Variants in TEFM observed in about 807,000 individuals in gnomAD.
TEFM encodes the protein transcription elongation factor of mitochondria.
A neutral mutation model predicts 23.0 loss-of-function variants in TEFM; 14 were observed. The observed-to-expected ratio is 0.61, with a 90% CI of 0.40 to 0.95. TEFM has a LOEUF of 0.95. TEFM is among the 40% of genes least tolerant of loss of function. The pLI, the probability that TEFM is intolerant of heterozygous loss-of-function variation, is 0.00. For missense variants in TEFM, 386 were observed against 425.5 expected, an observed-to-expected ratio of 0.91 and a Z score of 0.82; for synonymous variants, 155 against 158.3, an observed-to-expected ratio of 0.98 and a Z score of 0.16.
At position 30,900,476 on chromosome 17, in the gene TEFM, C is replaced by T; in HGVS notation, c.582G>A (p.Trp194Ter). ...HLDRKLTVLD[W>*]QQSDRWSLMR... The stretch of plus-strand genomic sequence containing the variant: ...TTAAACTCCAACGGTCACTTTGCTG[C>T]CAGTCCAGCACTGTCAACTTACGAT... The change falls in exon 3 of 4, where the codon TGG becomes TGA. Residue 194 changes from tryptophan (W) to a stop codon, truncating the protein, a stop_gained. Coordinates refer to ENST00000581216, the MANE Select transcript of TEFM (RefSeq NM_024683.4). LOFTEE classifies it high-confidence loss of function. 1 of 1,614,180 alleles carries T rather than the reference C, an allele frequency of 6.2e-7. No individual in the cohort carries two copies. The highest frequency in any genetic ancestry group is 8.5e-7 in the Non-Finnish European group (1 of 1,180,012).
chr17:30,900,493 A>C lies in TEFM; in HGVS notation c.565T>G (p.Leu189Val), dbSNP rs1455872351. Residue 189 changes from leucine (L) to valine (V), a missense_variant, in exon 3 of 4, where the codon TTG (leucine) becomes GTG (valine). Coordinates refer to ENST00000581216, the MANE Select transcript of TEFM (RefSeq NM_024683.4). Reference sequence around the variant, plus strand: ...CTTTGCTGCCAGTCCAGCACTGTCAACTTACGATCAAGGTGAGCCCAGGCA... The same window carrying C: ...CTTTGCTGCCAGTCCAGCACTGTCACCTTACGATCAAGGTGAGCCCAGGCA... ...RIAWAHLDRK[L>V]TVLDWQQSDR... 1 of 1,614,144 alleles carries C rather than the reference A, an allele frequency of 6.2e-7. No homozygotes were observed. The highest frequency in any genetic ancestry group is 1.1e-5 in the South Asian group (1 of 91,088).
chr17:30,902,536 T>A (rs1434666542), intron 2 of TEFM, among the ~76,000 whole-genome samples: 1 of 152,208 alleles, frequency 6.6e-6, no homozygotes, highest in Non-Finnish European at 1.5e-5. Flanking sequence ...TGGCCATGAA[T>A]CTGGATGAGA....
chr17:30,904,164 T>A lies in TEFM; in HGVS notation c.397A>T (p.Ile133Leu), dbSNP rs935966683. Residue 133 changes from isoleucine to leucine, a missense_variant, in exon 2 of 4, where the codon ATA becomes TTA. By Grantham distance (5) the Ile-to-Leu change is conservative. Coordinates refer to ENST00000581216, the MANE Select transcript of TEFM (RefSeq NM_024683.4). ...TCCCGTCCAGTCTTTGGACAAAGTA[T>A]GGAGTTACAAACTTGAACTGTACTT... ...YKSTVQVCNS[I>L]LCPKTGREKR... 6.2e-7 allele frequency: 1 copy of A among 1,614,188 alleles called. No homozygotes were observed. Among genetic ancestry groups the A allele is most frequent in the African/African-American group, 1.3e-5 (1 of 75,058 alleles).
rs1910114975 is a variant in TEFM, at chr17:30,904,199, A to C, written c.362T>G (p.Phe121Cys). Residue 121 changes from phenylalanine to cysteine, a missense_variant, in exon 2 of 4, where the codon TTT (phenylalanine) becomes TGT (cysteine). By Grantham distance (205) the Phe-to-Cys change is radical. Coordinates refer to ENST00000581216, the MANE Select transcript of TEFM (RefSeq NM_024683.4). ...AACTTGAACTGTACTTTTATACTTAAACAAGGGCACATTCATTAAACTCTC... is the reference window on the plus strand; with the variant it reads ...AACTTGAACTGTACTTTTATACTTACACAAGGGCACATTCATTAAACTCTC... ...NLESLMNVPL[F>C]KYKSTVQVCN... 1.9e-6 allele frequency: 3 copies of C among 1,614,108 alleles called. No individual in the cohort carries two copies. Among genetic ancestry groups the C allele is most frequent in the Non-Finnish European group, 2.5e-6 (3 of 1,179,990 alleles).
Position 30,900,480 on chromosome 17 carries a change from T to G in TEFM, c.578A>C (p.Asp193Ala). The G allele has an allele frequency of 6.2e-7, 1 of 1,614,204 alleles. No individual in the cohort carries two copies. The part of the protein sequence containing the change: ...AHLDRKLTVL[D>A]WQQSDRWSLM... Reference sequence around the variant, plus strand: ...ACTCCAACGGTCACTTTGCTGCCAGTCCAGCACTGTCAACTTACGATCAAG... The same window carrying G: ...ACTCCAACGGTCACTTTGCTGCCAGGCCAGCACTGTCAACTTACGATCAAG... Residue 193 changes from aspartate (D) to alanine (A), a missense_variant, in exon 3 of 4, where the codon GAC (aspartate) becomes GCC (alanine). Asp to Ala is a moderately radical substitution (Grantham distance 126). Transcript: ENST00000581216.
At position 30,899,239 on chromosome 17, in the gene TEFM, TCTA is replaced by T; in HGVS notation, c.1010_1012del (p.Val337del). 4 of 1,614,096 alleles carry T rather than the reference TCTA, an allele frequency of 2.5e-6. No homozygotes were observed. Among genetic ancestry groups the T allele is most frequent in the Non-Finnish European group, 3.4e-6 (4 of 1,179,988 alleles). On this transcript the variant is annotated inframe_deletion, in exon 4 of 4. Coordinates refer to ENST00000581216, the MANE Select transcript of TEFM (RefSeq NM_024683.4). ...TTGTAATAATGAATCATAAAGCTCT[TCTA>T]CTCTTTGTAGTTCAGTAGATAAAAA...
Position 30,904,441 on chromosome 17 carries a change from A to C in TEFM, c.120T>G (p.Pro40=). The change falls in exon 2 of 4, where the codon CCT becomes CCG. Residue 40 remains proline, a synonymous_variant. Transcript: ENST00000581216. The part of the protein sequence containing the change: ...NFCCRKKSTT[P]KKITPNVTFC... ...AAGTAACATTGGGAGTAATTTTCTT[A>C]GGTGTAGTGGATTTTTTCCGACAGC... 6.2e-7 allele frequency: 1 copy of C among 1,614,118 alleles called. No individual in the cohort carries two copies. The highest frequency in any genetic ancestry group is 8.5e-7 in the Non-Finnish European group (1 of 1,180,032).
chr17:30,902,590 G>C (rs753997601), intron 2 of TEFM, among the ~76,000 whole-genome samples: 17 of 152,290 alleles, frequency 1.1e-4, no homozygotes, highest in Middle Eastern at 3.4e-3. Context: ...CAGATCAATT[G>C]CAGCAGTTCT....
At chr17:30,902,147 T>C (rs1311894058) in intron 2 of TEFM, among the ~76,000 whole-genome samples, 1 of 152,212 alleles carries the variant, frequency 6.6e-6, no homozygotes, top group Non-Finnish European at 1.5e-5. Context: ...TGAAGTACAA[T>C]GCTATCACCT....
chr17:30,902,900 C>T (rs374292742), intron 2 of TEFM, among the ~76,000 whole-genome samples: 1 of 151,624 alleles, frequency 6.6e-6, no homozygotes, highest in Non-Finnish European at 1.5e-5. Context: ...CTCAGCACTT[C>T]GGGAGCCCGA....
chr17:30,905,449 G>A (rs1026723801), intron 1 of TEFM, among the ~76,000 whole-genome samples: 3 of 151,886 alleles, frequency 2.0e-5, no homozygotes, highest in Admixed American at 6.6e-5. Context: ...GAGCCCGGAA[G>A]GCGGAGGTTG....
At chr17:30,900,937 T>TC (rs1399751583) in intron 2 of TEFM, among the ~76,000 whole-genome samples, 3 of 152,092 alleles carry the variant, frequency 2.0e-5, no homozygotes, top group Non-Finnish European at 4.4e-5. Context: ...GCAAACATAA[T>TC]CTACAAATTC....
chr17:30,904,126 T>C lies in TEFM; in HGVS notation c.435A>G (p.Ser145=). The change falls in exon 2 of 4, where the codon TCA becomes TCG. Residue 145 remains serine (S), a synonymous_variant. Transcript: ENST00000581216. ...GCTTTCTCAGGAACCGGTTTTCCGGTGACTTTCTTTTTTCCCGTCCAGTCT... is the reference window on the plus strand; with the variant it reads ...GCTTTCTCAGGAACCGGTTTTCCGGCGACTTTCTTTTTTCCCGTCCAGTCT... ...CPKTGREKRK[S]PENRFLRKLL... is the part of the protein sequence containing the mutation. 3 of 1,614,124 alleles carry C rather than the reference T, an allele frequency of 1.9e-6. No individual in the cohort carries two copies. The highest frequency in any genetic ancestry group is 2.5e-6 in the Non-Finnish European group (3 of 1,180,002).
At chr17:30,901,212 G>C (rs1015888327) in intron 2 of TEFM, among the ~76,000 whole-genome samples, 5 of 151,934 alleles carry the variant, frequency 3.3e-5, no homozygotes, top group Non-Finnish European at 5.9e-5. Flanking sequence ...GTAGAGACAG[G>C]GTTTCACCAT....
intron 1 of TEFM, among the ~76,000 whole-genome samples, chr17:30,904,979 G>A (rs927342219): frequency 6.6e-6 from 1 of 151,910 alleles, no homozygotes; most frequent in Non-Finnish European, 1.5e-5. Flanking sequence ...TGCCCGGCCC[G>A]AGAATCATCT....
rs1453048171 is a variant in TEFM, at chr17:30,904,091, G to C, written c.470C>G (p.Pro157Arg). The change falls in exon 2 of 4, where the codon CCA becomes CGA. Residue 157 changes from proline to arginine, a missense_variant. Transcript: ENST00000581216. ...CTTAAGTCTTTCTCTTTCTATGTCTGGTTTGAGGAGCTTTCTCAGGAACCG... is the reference window on the plus strand; with the variant it reads ...CTTAAGTCTTTCTCTTTCTATGTCTCGTTTGAGGAGCTTTCTCAGGAACCG... ...ENRFLRKLLK[P>R]DIERERLKAV... 1 of 1,613,640 alleles carries C rather than the reference G, an allele frequency of 6.2e-7. No homozygotes were observed. Among genetic ancestry groups the C allele is most frequent in the Non-Finnish European group, 8.5e-7 (1 of 1,179,860 alleles).
At chr17:30,901,944 A>C (rs1349113777) in intron 2 of TEFM, among the ~76,000 whole-genome samples, 1 of 152,184 alleles carries the variant, frequency 6.6e-6, no homozygotes, top group Admixed American at 6.5e-5. Context: ...TATATCAGTG[A>C]CTGAATGGCA....
At chr17:30,905,607 G>A (rs9914271) in intron 1 of TEFM, among the ~76,000 whole-genome samples, 19,952 of 151,162 alleles carry the variant, frequency 0.13, 1,452 homozygotes, top group South Asian at 0.24. Context: ...ATTAAATTTT[G>A]TACGTTTATA....
At position 30,904,191 on chromosome 17, in the gene TEFM, T is replaced by C. The variant is rs771396877; in HGVS notation, c.370A>G (p.Lys124Glu). ...SLMNVPLFKY[K>E]STVQVCNSIL... ...GAGTTACAAACTTGAACTGTACTTT[T>C]ATACTTAAACAAGGGCACATTCATT... is the stretch of plus-strand genomic sequence containing the variant. Residue 124 changes from lysine (K) to glutamate (E), a missense_variant, in exon 2 of 4, where the codon AAA becomes GAA. Coordinates refer to ENST00000581216, the MANE Select transcript of TEFM (RefSeq NM_024683.4). The C allele has an allele frequency of 2.4e-5, 38 of 1,614,004 alleles. No homozygotes were observed. The highest frequency in any genetic ancestry group is 1.6e-4 in the South Asian group (15 of 91,086).
Sources: allele counts gnomAD v4.1 joint callset (sites outside exome capture counted in the v4.1 genomes callset), GRCh38; gene constraint gnomAD v4.1.1; transcripts MANE v1.5; gene names NCBI Gene and HGNC (gene_info 2026-07-23, HGNC 2026-07-21).